The following TUSC3 variants were observed in gnomAD, a reference collection of about 807,000 sequenced individuals.
TUSC3 encodes tumor suppressor candidate 3.
In TUSC3, 45 loss-of-function variants were observed where a neutral mutation model predicts 44.8. That is an observed-to-expected ratio of 1.00 (90% CI 0.79 to 1.29). The LOEUF is 1.29. Ranked by LOEUF, TUSC3 falls within the 50% of genes most tolerant of loss-of-function variation. The pLI, the probability that TUSC3 is intolerant of heterozygous loss-of-function variation, is 0.00. For missense variants in TUSC3, 519 were observed against 437.9 expected, an observed-to-expected ratio of 1.19 and a Z score of -1.65; for synonymous variants, 212 against 152.9, an observed-to-expected ratio of 1.39 and a Z score of -2.85.
At chr8:15,440,860 A>G (rs1800012209) in intron 1 of TUSC3, among the ~76,000 whole-genome samples, 1 of 152,198 alleles carries the variant, frequency 6.6e-6, no homozygotes, top group South Asian at 2.1e-4. Flanking sequence ...GATGCTAGCA[A>G]CTGCCTCCCC....
At chr8:15,555,390 G>A (rs1802223371) in intron 1 of TUSC3, among the ~76,000 whole-genome samples, 1 of 142,092 alleles carries the variant, frequency 7.0e-6, no homozygotes, top group Non-Finnish European at 1.5e-5. Flanking sequence ...TTGACCTCCT[G>A]GGCTCAAGTG....
At chr8:15,423,974 T>TGTTTTG (rs780186989) in intron 1 of TUSC3, among the ~76,000 whole-genome samples, 11,744 of 57,586 alleles carry the variant, frequency 0.2, 2,854 homozygotes, top group Non-Finnish European at 0.24. Flanking sequence ...GCTTTGTTTT[T>TGTTTTG]TTTTTTTTTT....
chr8:15,437,145 A>G (rs28706053), intron 1 of TUSC3, among the ~76,000 whole-genome samples: 1,879 of 152,302 alleles, frequency 0.012, 39 homozygotes, highest in African/African-American at 0.043. Context: ...CCCCTAAAAT[A>G]TAACTAATCA....
chr8:15,604,111 A>G (rs1804419837), intron 1 of TUSC3, among the ~76,000 whole-genome samples: 1 of 151,744 alleles, frequency 6.6e-6, no homozygotes, highest in African/African-American at 2.4e-5. Flanking sequence ...GAGGTTTCTA[A>G]AACAAAAGTT....
the TUSC3 span, among the ~76,000 whole-genome samples, chr8:15,773,386 T>C: frequency 6.6e-6 from 1 of 152,096 alleles, no homozygotes; most frequent in African/African-American, 2.4e-5. Context: ...AATAATAAAA[T>C]ACTTTTGGAC....
At chr8:15,517,873 A>T (rs1480019070) in intron 2 of TUSC3, among the ~76,000 whole-genome samples, 4 of 151,850 alleles carry the variant, frequency 2.6e-5, no homozygotes, top group Non-Finnish European at 5.9e-5. Context: ...CATACCACAA[A>T]ATTTCCCTTT....
chr8:15,738,273 G>A (rs2543147), intron 7 of TUSC3, among the ~76,000 whole-genome samples: 79,448 of 152,014 alleles, frequency 0.52, 21,058 homozygotes, highest in Admixed American at 0.6. Flanking sequence ...CCACTTTAAG[G>A]TTGTGTGCAC....
intron 2 of TUSC3, among the ~76,000 whole-genome samples, chr8:15,525,746 G>T (rs926570932): frequency 6.6e-6 from 1 of 152,110 alleles, no homozygotes; most frequent in Admixed American, 6.6e-5. Context: ...TGATAAAGGG[G>T]ATGTTAGCAA....
At chr8:15,823,796 A>C in the TUSC3 span, among the ~76,000 whole-genome samples, 3 of 101,854 alleles carry the variant, frequency 2.9e-5, no homozygotes, top group Non-Finnish European at 5.2e-5. Context: ...TGGCAAGTTC[A>C]GTGAGTTAAC....
intron 1 of TUSC3, among the ~76,000 whole-genome samples, chr8:15,452,967 A>G (rs1218033791): frequency 6.6e-6 from 1 of 152,050 alleles, no homozygotes; most frequent in Non-Finnish European, 1.5e-5. Context: ...ACCAGACCAG[A>G]TAGCGACCAC....
At chr8:15,592,593 G>T (rs1398479959) in intron 1 of TUSC3, among the ~76,000 whole-genome samples, 1 of 152,146 alleles carries the variant, frequency 6.6e-6, no homozygotes, top group African/African-American at 2.4e-5. Context: ...CTCCCCCTTT[G>T]TCTTCTATCA....
chr8:15,650,697 G>A lies in TUSC3; in HGVS notation c.309G>A (p.Arg103=). Residue 103 remains arginine, a splice_region_variant and synonymous_variant, in exon 3 of 11, where the codon AGG becomes AGA. Coordinates refer to ENST00000503731, the MANE Select transcript of TUSC3 (RefSeq NM_006765.4). Reference sequence around the variant, plus strand: ...TACTATGGCCCATTATTCTTATCAGGCAAGCTAATGAAGAATATCAAATAC... The same window carrying A: ...TACTATGGCCCATTATTCTTATCAGACAAGCTAATGAAGAATATCAAATAC... ...LQPQRQCSVC[R]QANEEYQILA... is the part of the protein sequence containing the mutation. 1 of 1,613,312 alleles carries A rather than the reference G, an allele frequency of 6.2e-7. No homozygotes were observed. The highest frequency in any genetic ancestry group is 8.5e-7 in the Non-Finnish European group (1 of 1,179,368).
intron 1 of TUSC3, among the ~76,000 whole-genome samples, chr8:15,585,204 G>C (rs1433783519): frequency 6.6e-6 from 1 of 152,114 alleles, no homozygotes; most frequent in Non-Finnish European, 1.5e-5. Flanking sequence ...ATACAGATGT[G>C]GGAGCTATAT....
intron 1 of TUSC3, among the ~76,000 whole-genome samples, chr8:15,429,969 T>C (rs1799852054): frequency 6.6e-6 from 1 of 151,492 alleles, no homozygotes; most frequent in Non-Finnish European, 1.5e-5. Context: ...TAACAGCCTC[T>C]GAAATTGAGG....
intron 7 of TUSC3, among the ~76,000 whole-genome samples, chr8:15,738,497 G>A (rs377583965): frequency 6.6e-6 from 1 of 152,018 alleles, no homozygotes; most frequent in African/African-American, 2.4e-5. Context: ...ATTCATTTAC[G>A]TATTGCCTGT....
intron 1 of TUSC3, among the ~76,000 whole-genome samples, chr8:15,593,154 T>C (rs1414485946): frequency 6.6e-6 from 1 of 152,162 alleles, no homozygotes; most frequent in Non-Finnish European, 1.5e-5. Flanking sequence ...GGTGTGATCT[T>C]GGCTCACTGC....
intron 1 of TUSC3, among the ~76,000 whole-genome samples, chr8:15,468,771 A>G (rs73191182): frequency 0.011 from 1,695 of 152,322 alleles, 18 homozygotes; most frequent in Non-Finnish European, 0.015. Flanking sequence ...TGATGCTTTC[A>G]GGAGATTCAA....
the TUSC3 span, among the ~76,000 whole-genome samples, chr8:15,777,415 G>C: frequency 6.6e-6 from 1 of 152,028 alleles, no homozygotes; most frequent in African/African-American, 2.4e-5. Context: ...TCATATCTTG[G>C]TGCCAAAGCT....
chr8:15,583,320 G>T (rs951018580), intron 1 of TUSC3, among the ~76,000 whole-genome samples: 8 of 152,116 alleles, frequency 5.3e-5, no homozygotes, highest in East Asian at 1.9e-4. Context: ...TAGTCATTTT[G>T]TAATAAAATG....
Sources: allele counts gnomAD v4.1 joint callset (sites outside exome capture counted in the v4.1 genomes callset), GRCh38; gene constraint gnomAD v4.1.1; transcripts MANE v1.5; gene names NCBI Gene and HGNC (gene_info 2026-07-23, HGNC 2026-07-21).